SOBP: variants seen among roughly 807,000 people sequenced by gnomAD.
SOBP encodes sine oculis binding protein homolog, also known as sine oculis-binding protein homolog.
Under a neutral mutation model 53.6 loss-of-function variants are expected in SOBP, and 4 were observed. The observed-to-expected ratio is 0.07, with a 90% CI of 0.04 to 0.17. The LOEUF is 0.17. Ranked by LOEUF, SOBP falls within the 10% of genes least tolerant of loss-of-function variation. The probability of loss-of-function intolerance (pLI) is 1.00; values close to 1 mark genes in which losing one functional copy is unlikely to be tolerated. For synonymous variants in SOBP, 584 were observed against 522.6 expected, an observed-to-expected ratio of 1.12 and a Z score of -1.60; for missense variants, 1,088 against 1,204.7, an observed-to-expected ratio of 0.90 and a Z score of 1.43.
chr6:107,634,735 C>T lies in SOBP; in HGVS notation c.1891C>T (p.Pro631Ser), dbSNP rs1450544798. ...VDLTRRAGSP[P>S]GPPGAGGQLG... ...CCTGACGCGGCGCGCCGGCAGCCCC[C>T]CGGGCCCCCCGGGCGCGGGCGGCCA... The change falls in exon 6 of 7, where the codon CCG becomes TCG. Residue 631 changes from proline to serine, a missense_variant. Physicochemically the swap from Pro to Ser is moderately conservative, Grantham distance 74 (BLOSUM62 -1). Transcript: ENST00000317357. The surrounding 1 kb of genome is among the most constrained non-coding windows in gnomAD (Gnocchi z 4.5). 2.2e-6 allele frequency: 3 copies of T among 1,338,038 alleles called. No individual in the cohort carries two copies. The highest frequency in any genetic ancestry group is 2.8e-6 in the Non-Finnish European group (3 of 1,052,850). The allele number at this position is 1,338,038 out of a possible 1,614,324, so 82.9% of individuals were successfully genotyped here. A position where few individuals can be genotyped will look rare whatever the true frequency, so the allele number is the denominator to read the frequency against.
chr6:107,572,200 C>T (rs1785092254), intron 4 of SOBP, among the ~76,000 whole-genome samples: 1 of 151,882 alleles, frequency 6.6e-6, no homozygotes, highest in African/African-American at 2.4e-5. Context: ...CAATTTTGAA[C>T]TGAATTCTAA....
At chr6:107,602,439 TAGGAAAAC>T (rs1159235215) in intron 5 of SOBP, among the ~76,000 whole-genome samples, 1 of 151,836 alleles carries the variant, frequency 6.6e-6, no homozygotes, top group Admixed American at 6.6e-5. Flanking sequence ...ATGAGAGAAA[TAGGAAAAC>T]AGGAAAACCT....
At chr6:107,546,575 AT>A in intron 4 of SOBP, among the ~76,000 whole-genome samples, 1 of 152,160 alleles carries the variant, frequency 6.6e-6, no homozygotes, top group Non-Finnish European at 1.5e-5. Flanking sequence ...GCCTGCACTC[AT>A]GTGCACACAG....
chr6:107,561,357 A>G (rs1054719461), intron 4 of SOBP, among the ~76,000 whole-genome samples: 1 of 152,224 alleles, frequency 6.6e-6, no homozygotes, highest in Non-Finnish European at 1.5e-5. Context: ...GGGGAGTTTT[A>G]CAGCCAGATG....
At chr6:107,638,574 C>T (rs533267618) in intron 6 of SOBP, among the ~76,000 whole-genome samples, 16 of 152,200 alleles carry the variant, frequency 1.1e-4, no homozygotes, top group African/African-American at 3.9e-4. Context: ...AAACCCAGAC[C>T]GTTCATATGG....
chr6:107,657,647 T>A (rs1772122674), intron 6 of SOBP, among the ~76,000 whole-genome samples: 1 of 152,186 alleles, frequency 6.6e-6, no homozygotes, highest in African/African-American at 2.4e-5. Flanking sequence ...CTCCGTGACC[T>A]TGCCTGGCTT....
intron 5 of SOBP, among the ~76,000 whole-genome samples, chr6:107,620,912 G>A (rs1786980462): frequency 6.6e-6 from 1 of 152,166 alleles, no homozygotes; most frequent in African/African-American, 2.4e-5. Context: ...TGGCAGTACA[G>A]TTTTCTTCTG....
intron 5 of SOBP, among the ~76,000 whole-genome samples, chr6:107,628,896 T>A (rs1770580278): frequency 1.3e-5 from 2 of 152,204 alleles, no homozygotes; most frequent in Admixed American, 6.5e-5. Context: ...CCTCAGCTCA[T>A]GCTGTGAGGT....
chr6:107,612,378 T>C (rs1204439533), intron 5 of SOBP, among the ~76,000 whole-genome samples: 2 of 152,222 alleles, frequency 1.3e-5, no homozygotes, highest in African/African-American at 2.4e-5. Context: ...TGAACTTTTC[T>C]AGATAATCAG....
At chr6:107,565,940 A>G (rs1419820372) in intron 4 of SOBP, among the ~76,000 whole-genome samples, 1 of 152,234 alleles carries the variant, frequency 6.6e-6, no homozygotes, top group East Asian at 1.9e-4. Flanking sequence ...ACTTTTCCCC[A>G]GTGGGTTTCA....
In SOBP at chr6:107,634,627, G is replaced by T. The variant is rs1471915415; in HGVS notation, c.1783G>T (p.Ala595Ser). Residue 595 changes from alanine to serine, a missense_variant, in exon 6 of 7, where the codon GCG becomes TCG. By Grantham distance (99) the Ala-to-Ser change is moderately conservative. Around this residue, in one of 6 missense-constraint regions of SOBP, gnomAD observed 665 missense variants for 629.7 expected, o/e 1.06. Transcript: ENST00000317357. The surrounding 1 kb of genome is among the most constrained non-coding windows in gnomAD (Gnocchi z 4.5). ...RDSKQGSSKS[A>S]DSPPGCSGQA... Reference sequence around the variant, plus strand: ...CTCCAAGCAGGGCTCGTCCAAGTCCGCGGACTCGCCCCCCGGCTGCTCGGG... The same window carrying T: ...CTCCAAGCAGGGCTCGTCCAAGTCCTCGGACTCGCCCCCCGGCTGCTCGGG... 2.5e-6 allele frequency: 4 copies of T among 1,587,396 alleles called. No homozygotes were observed. The highest frequency in any genetic ancestry group is 3.4e-6 in the Non-Finnish European group (4 of 1,173,232).
chr6:107,490,248 T>G lies in SOBP; in HGVS notation c.-369T>G, dbSNP rs1782538817. 9 of 148,366 alleles carry G rather than the reference T, an allele frequency of 6.1e-5. No homozygotes were observed. In the Admixed American group the frequency reaches 6.1e-4, roughly 10 times the overall value. 9.2% of individuals were successfully genotyped at this position (148,366 alleles called of 1,614,324 possible). On this transcript the variant is annotated 5_prime_UTR_variant, in exon 1 of 7. An upstream start codon of the reference 5' UTR is lost. Coordinates refer to ENST00000317357, the MANE Select transcript of SOBP (RefSeq NM_018013.4). ...TGACGACTCCACGGGGCCCCGAGGA[T>G]GCGGCCCGGCGGCGGCGGCGGCGGG... is the stretch of plus-strand genomic sequence containing the variant.
chr6:107,571,730 C>T (rs139070827), intron 4 of SOBP, among the ~76,000 whole-genome samples: 505 of 152,270 alleles, frequency 3.3e-3, no homozygotes, highest in African/African-American at 0.012. Flanking sequence ...TCATTTTAAC[C>T]TCGAAACAAG....
chr6:107,556,929 G>A (rs1784627980), intron 4 of SOBP, among the ~76,000 whole-genome samples: 1 of 152,168 alleles, frequency 6.6e-6, no homozygotes, highest in African/African-American at 2.4e-5. Flanking sequence ...ATTATATAAT[G>A]AGCCTCAAAG....
intron 4 of SOBP, among the ~76,000 whole-genome samples, chr6:107,544,575 G>A (rs1171200569): frequency 1.3e-5 from 2 of 152,216 alleles, no homozygotes; most frequent in Non-Finnish European, 2.9e-5. Context: ...AGTAAGTGGG[G>A]CTAGCACTCA....
chr6:107,532,241 T>TCA (rs10525191), intron 3 of SOBP, among the ~76,000 whole-genome samples: 4,377 of 139,682 alleles, frequency 0.031, 161 homozygotes, highest in East Asian at 0.13. Context: ...TCTCTCTCTC[T>TCA]CACACACACA....
chr6:107,528,195 G>A (rs1490223613), intron 3 of SOBP, among the ~76,000 whole-genome samples: 1 of 152,186 alleles, frequency 6.6e-6, no homozygotes, highest in African/African-American at 2.4e-5. Context: ...CAGGGAATTG[G>A]TGTTTTAATG....
chr6:107,491,354 C>G (rs1234308758), intron 1 of SOBP, among the ~76,000 whole-genome samples: 1 of 152,226 alleles, frequency 6.6e-6, no homozygotes, highest in East Asian at 1.9e-4. Context: ...CCCAGCCAAG[C>G]AGACCCCGGC....
chr6:107,653,762 T>A (rs989300844), intron 6 of SOBP, among the ~76,000 whole-genome samples: 1 of 152,184 alleles, frequency 6.6e-6, no homozygotes, highest in Non-Finnish European at 1.5e-5. Flanking sequence ...AAGAGCTAGT[T>A]TGGAAATGTT....
Sources: allele counts gnomAD v4.1 joint callset (sites outside exome capture counted in the v4.1 genomes callset), GRCh38; gene constraint gnomAD v4.1.1; regional missense constraint gnomAD v4.1.1; non-coding constraint Gnocchi (gnomAD v3.1); transcripts MANE v1.5; gene names NCBI Gene and HGNC (gene_info 2026-07-23, HGNC 2026-07-21).